Variants in RGS6 observed in about 807,000 individuals in gnomAD.
RGS6 encodes the protein regulator of G-protein signaling 6.
RGS6 carries 30 observed loss-of-function variants against 78.5 expected under a neutral mutation model. The ratio of observed to expected loss-of-function variants is 0.38; its 90% CI spans 0.29 to 0.52. The LOEUF is 0.52. RGS6 is among the 20% of genes least tolerant of loss of function. The probability of loss-of-function intolerance (pLI) is 0.85; values close to 1 mark genes in which losing one functional copy is unlikely to be tolerated. For synonymous variants in RGS6, 206 were observed against 206.0 expected (o/e 1.00, Z 0.00); for missense variants, 495 against 609.7 (o/e 0.81, Z 1.98).
intron 2 of RGS6, among the ~76,000 whole-genome samples, chr14:72,170,357 C>G (rs1243061361): frequency 6.6e-6 from 1 of 152,184 alleles, no homozygotes; most frequent in Non-Finnish European, 1.5e-5. Flanking sequence ...GGCAAACTTG[C>G]GTTCACCCTA....
intron 3 of RGS6, among the ~76,000 whole-genome samples, chr14:72,406,949 A>G (rs1240432349): frequency 6.6e-6 from 1 of 152,240 alleles, no homozygotes; most frequent in African/African-American, 2.4e-5. Flanking sequence ...CATTGTCCAG[A>G]TATCTCCATG....
At chr14:72,055,870 G>T (rs1369915645) in intron 2 of RGS6, among the ~76,000 whole-genome samples, 1 of 152,086 alleles carries the variant, frequency 6.6e-6, no homozygotes, top group East Asian at 1.9e-4. Context: ...GAGTTTTTTG[G>T]TTTTTGTTTT....
At chr14:72,472,249 C>G (rs569332289) in intron 8 of RGS6, among the ~76,000 whole-genome samples, 1 of 151,950 alleles carries the variant, frequency 6.6e-6, no homozygotes, top group South Asian at 2.1e-4. Flanking sequence ...CTGTCTTTGT[C>G]ACCTGCAATT....
chr14:72,118,123 T>C (rs2095950337), intron 2 of RGS6, among the ~76,000 whole-genome samples: 1 of 151,974 alleles, frequency 6.6e-6, no homozygotes, highest in Non-Finnish European at 1.5e-5. Flanking sequence ...TGAACATCCT[T>C]GCTGTGAGTG....
chr14:72,166,985 A>G (rs1235838822), intron 2 of RGS6, among the ~76,000 whole-genome samples: 1 of 152,100 alleles, frequency 6.6e-6, no homozygotes, highest in Non-Finnish European at 1.5e-5. Flanking sequence ...ATTGGGCACT[A>G]TTTTCGGTTC....
chr14:72,112,288 C>A (rs965147970), intron 2 of RGS6, among the ~76,000 whole-genome samples: 4 of 152,138 alleles, frequency 2.6e-5, no homozygotes, highest in Non-Finnish European at 5.9e-5. Flanking sequence ...TTCTTTCATG[C>A]AGTTCGTTGG....
At chr14:72,269,415 C>T (rs762847809) in intron 2 of RGS6, among the ~76,000 whole-genome samples, 7 of 152,188 alleles carry the variant, frequency 4.6e-5, no homozygotes, top group Admixed American at 6.5e-5. Context: ...ATTCCAGCCA[C>T]GTTGGCTTCC....
At chr14:72,376,842 C>A (rs947216809) in intron 3 of RGS6, among the ~76,000 whole-genome samples, 3 of 152,144 alleles carry the variant, frequency 2.0e-5, no homozygotes, top group Non-Finnish European at 4.4e-5. Context: ...GAGAGTCTTA[C>A]ATCTAGAAGC....
At chr14:72,468,627 CAT>C (rs1442677106) in intron 7 of RGS6, among the ~76,000 whole-genome samples, 1 of 152,086 alleles carries the variant, frequency 6.6e-6, no homozygotes, top group African/African-American at 2.4e-5. Context: ...ATATCAGAAT[CAT>C]AACATAAACA....
intron 2 of RGS6, among the ~76,000 whole-genome samples, chr14:72,153,258 G>T (rs2096720125): frequency 6.6e-6 from 1 of 152,176 alleles, no homozygotes; most frequent in Admixed American, 6.5e-5. Context: ...GTATTGGATG[G>T]GTTGGGTTAC....
At chr14:72,055,688 G>A (rs1016093454) in intron 2 of RGS6, among the ~76,000 whole-genome samples, 3 of 151,970 alleles carry the variant, frequency 2.0e-5, no homozygotes, top group East Asian at 3.9e-4. Flanking sequence ...TGATTCTAAC[G>A]TGCAGTCAAG....
chr14:72,187,547 A>G (rs1273925176), intron 2 of RGS6, among the ~76,000 whole-genome samples: 3 of 152,184 alleles, frequency 2.0e-5, no homozygotes, highest in African/African-American at 7.2e-5. Context: ...GACAGTAGGC[A>G]GAGAAGCAGG....
At chr14:72,137,233 CATAT>C (rs1186212353) in intron 2 of RGS6, among the ~76,000 whole-genome samples, 4 of 152,192 alleles carry the variant, frequency 2.6e-5, no homozygotes, top group African/African-American at 9.7e-5. Context: ...GGGAGCCTTA[CATAT>C]ATGATTTTGT....
At chr14:71,885,299 C>G in the RGS6 span, among the ~76,000 whole-genome samples, 1 of 152,256 alleles carries the variant, frequency 6.6e-6, no homozygotes, top group Non-Finnish European at 1.5e-5. Context: ...CCAAACATTT[C>G]TACTCCATCG....
At chr14:72,484,930 GAT>G (rs2096460336) in intron 12 of RGS6, among the ~76,000 whole-genome samples, 2 of 113,172 alleles carry the variant, frequency 1.8e-5, no homozygotes, top group African/African-American at 7.0e-5. Flanking sequence ...CCATCTGGTA[GAT>G]TTTTTTTTTT....
intron 17 of RGS6, 108 bp from the exon 18 acceptor site, chr14:72,562,309 G>A (rs933387490): frequency 1.1e-5 from 12 of 1,141,642 alleles, no homozygotes; most frequent in East Asian, 4.8e-5. Context: ...TTGGTTGGTC[G>A]TTTGGCCTAC....
intron 6 of RGS6, among the ~76,000 whole-genome samples, chr14:72,463,104 G>A (rs1263648101): frequency 6.6e-6 from 1 of 152,180 alleles, no homozygotes; most frequent in Non-Finnish European, 1.5e-5. Context: ...CCAGTTTTGT[G>A]TGGTGACACA....
chr14:72,520,732 A>G (rs1277972917), intron 15 of RGS6, among the ~76,000 whole-genome samples: 5 of 152,152 alleles, frequency 3.3e-5, no homozygotes, highest in African/African-American at 7.2e-5. Context: ...ATTAGGGTCT[A>G]TTTTGGTTTT....
chr14:72,305,773 C>T (rs976863836), intron 2 of RGS6, among the ~76,000 whole-genome samples: 3 of 152,072 alleles, frequency 2.0e-5, no homozygotes, highest in African/African-American at 4.8e-5. Context: ...TCTAAGTGTT[C>T]AAGTGAAAGG....
Sources: allele counts gnomAD v4.1 joint callset (sites outside exome capture counted in the v4.1 genomes callset), GRCh38; gene constraint gnomAD v4.1.1; transcripts MANE v1.5; gene names NCBI Gene and HGNC (gene_info 2026-07-23, HGNC 2026-07-21).